The following ADAMTS9 variants were observed in gnomAD, a reference collection of about 807,000 sequenced individuals.
ADAMTS9 encodes ADAM metallopeptidase with thrombospondin type 1 motif 9.
A neutral mutation model predicts 257.1 loss-of-function variants in ADAMTS9; 107 were observed. The ratio of observed to expected loss-of-function variants is 0.42; its 90% CI spans 0.36 to 0.49. The LOEUF is 0.49. Ranked by LOEUF, ADAMTS9 falls within the 20% of genes least tolerant of loss-of-function variation. ADAMTS9 has a pLI of 0.03. For synonymous variants in ADAMTS9, 982 were observed against 880.9 expected, an observed-to-expected ratio of 1.11 and a Z score of -2.03; for missense variants, 2,353 against 2,469.1, an observed-to-expected ratio of 0.95 and a Z score of 1.00.
At chr3:64,557,004 T>C (rs925949463) in intron 30 of ADAMTS9, among the ~76,000 whole-genome samples, 3 of 152,132 alleles carry the variant, frequency 2.0e-5, no homozygotes, top group Non-Finnish European at 4.4e-5. Flanking sequence ...AAACAGGCAA[T>C]GAGAATTCCA....
intron 28 of ADAMTS9, among the ~76,000 whole-genome samples, chr3:64,581,911 G>C (rs930032546): frequency 3.3e-5 from 5 of 152,098 alleles, no homozygotes; most frequent in African/African-American, 1.2e-4. Context: ...ACAGTCTCTT[G>C]GGTTTATTTT....
chr3:64,529,596 G>C (rs1048101510), intron 38 of ADAMTS9, among the ~76,000 whole-genome samples: 1 of 152,174 alleles, frequency 6.6e-6, no homozygotes, highest in African/African-American at 2.4e-5. Flanking sequence ...AGTAGGTATC[G>C]AGTGGGAACA....
intron 26 of ADAMTS9, among the ~76,000 whole-genome samples, chr3:64,598,024 A>G (rs369053349): frequency 1.4e-3 from 208 of 152,324 alleles, no homozygotes; most frequent in African/African-American, 4.7e-3. Flanking sequence ...GCTCTATCAA[A>G]CATTGCTTCT....
At chr3:64,680,677 C>T (rs769286173) in intron 3 of ADAMTS9, among the ~76,000 whole-genome samples, 2 of 152,190 alleles carry the variant, frequency 1.3e-5, no homozygotes, top group Non-Finnish European at 2.9e-5. Context: ...TACCTTGCTA[C>T]AGTTCCTTAA....
chr3:64,553,145 T>G (rs2083291206), intron 30 of ADAMTS9, among the ~76,000 whole-genome samples: 1 of 152,104 alleles, frequency 6.6e-6, no homozygotes, highest in Non-Finnish European at 1.5e-5. Flanking sequence ...CATCACCCCA[T>G]CTAGTTCCAG....
At position 64,686,942 on chromosome 3, in the gene ADAMTS9, A is replaced by G. The variant is rs755536737; in HGVS notation, c.142T>C (p.Tyr48His). Reference protein sequence around the residue: ...QVKLLETLSEYEIVSPIRVNA... With the variant: ...QVKLLETLSEHEIVSPIRVNA... ...ACTCGGATGGGAGACACGATTTCGTATTCGCTCAGGGTCTCTAATAATTTC... is the reference window on the plus strand; with the variant it reads ...ACTCGGATGGGAGACACGATTTCGTGTTCGCTCAGGGTCTCTAATAATTTC... Residue 48 changes from tyrosine (Y) to histidine (H), a missense_variant, in exon 2 of 40, where the codon TAC (tyrosine) becomes CAC (histidine). Coordinates refer to ENST00000498707, the MANE Select transcript of ADAMTS9 (RefSeq NM_182920.2). This position sits in a 1 kb window ranked among gnomAD's most constrained non-coding sequence, Gnocchi z 4.6. 1.2e-6 allele frequency: 2 copies of G among 1,614,084 alleles called. No homozygotes were observed. The highest frequency in any genetic ancestry group is 1.3e-5 in the African/African-American group (1 of 74,944).
intron 30 of ADAMTS9, among the ~76,000 whole-genome samples, chr3:64,553,223 G>A (rs2083292029): frequency 6.6e-6 from 1 of 152,050 alleles, no homozygotes; most frequent in South Asian, 2.1e-4. Flanking sequence ...CTTCCTTCCT[G>A]TAGCCCCTAG....
chr3:64,588,393 A>G (rs2106773633), intron 28 of ADAMTS9: 1 of 152,106 alleles, frequency 6.6e-6, no homozygotes, highest in African/African-American at 2.4e-5. Flanking sequence ...TACAATAGGC[A>G]CTTAGAAAGT....
chr3:64,604,047 T>C lies in ADAMTS9; in HGVS notation c.3622A>G (p.Ser1208Gly). ...ACAGAGCCATTCTCATCTCGGCAGC[T>C]GACGTATCTCATCCGGGTACCTTTC... ...CGKGTRMRYV[S>G]CRDENGSVAD... Residue 1208 changes from serine to glycine, a missense_variant, in exon 25 of 40, where the codon AGC (serine) becomes GGC (glycine). Physicochemically the swap from Ser to Gly is moderately conservative, Grantham distance 56. Transcript: ENST00000498707. 1.2e-6 allele frequency: 2 copies of C among 1,614,130 alleles called. No individual in the cohort carries two copies. Among genetic ancestry groups the C allele is most frequent in the Non-Finnish European group, 1.7e-6 (2 of 1,180,004 alleles).
chr3:64,610,347 C>CAT lies in ADAMTS9; in HGVS notation c.3354+2996_3354+2997dup, dbSNP rs2084641115. 1.3e-5 allele frequency among the ~76,000 whole-genome samples: 2 copies of CAT among 152,066 alleles called. 1 individual carries two copies. The highest frequency in any genetic ancestry group is 4.1e-4 in the South Asian group (2 of 4,826). On this transcript the variant is annotated intron_variant, in intron 22 of 39. Transcript: ENST00000498707. ...GGGGATGGGGGAAATATTTGCCAAT[C>CAT]ATATCTCTGATAAGGAATTGACATC...
Position 64,624,498 on chromosome 3 carries a change from A to G in ADAMTS9, c.2390-1912T>C, listed in dbSNP as rs139642476. Among the ~76,000 whole-genome samples the G allele has an allele frequency of 4.4e-3, 675 of 152,258 alleles. 4 individuals carry two copies. The highest frequency in any genetic ancestry group is 0.016 in the African/African-American group (646 of 41,582). On this transcript the variant is annotated intron_variant, in intron 16 of 39. Coordinates refer to ENST00000498707, the MANE Select transcript of ADAMTS9 (RefSeq NM_182920.2). Reference sequence around the variant, plus strand: ...GCTGAAAAAAGAAACAGGAAAGAAAATTGACAAGGAGGATGAGACAACAGC... The same window carrying G: ...GCTGAAAAAAGAAACAGGAAAGAAAGTTGACAAGGAGGATGAGACAACAGC...
intron 6 of ADAMTS9, among the ~76,000 whole-genome samples, chr3:64,654,909 G>A (rs545576665): frequency 5.3e-5 from 8 of 152,118 alleles, no homozygotes; most frequent in African/African-American, 9.7e-5. Context: ...TTCCAGTTTC[G>A]TAAAGACTCT....
At chr3:64,569,575 A>G (rs1274231770) in intron 28 of ADAMTS9, among the ~76,000 whole-genome samples, 1 of 152,240 alleles carries the variant, frequency 6.6e-6, no homozygotes, top group African/African-American at 2.4e-5. Context: ...CCTAATAAAT[A>G]GCACCATGTG....
intron 28 of ADAMTS9, chr3:64,569,120 T>C (rs901994467): frequency 5.2e-5 from 8 of 152,946 alleles, no homozygotes; most frequent in African/African-American, 1.9e-4. Context: ...TCAACTTTGA[T>C]CTGCAGATTC....
At chr3:64,599,102 G>T (rs1206106833) in intron 26 of ADAMTS9, among the ~76,000 whole-genome samples, 1 of 152,130 alleles carries the variant, frequency 6.6e-6, no homozygotes. Flanking sequence ...AAGTGCTGGT[G>T]ATAGCTCTCA....
At chr3:64,680,258 G>A (rs1701720682) in intron 3 of ADAMTS9, among the ~76,000 whole-genome samples, 1 of 152,114 alleles carries the variant, frequency 6.6e-6, no homozygotes. Flanking sequence ...GGCCTTGTTT[G>A]GAGATACCAG....
chr3:64,657,082 C>G (rs1409363800), intron 4 of ADAMTS9, among the ~76,000 whole-genome samples: 2 of 152,190 alleles, frequency 1.3e-5, no homozygotes, highest in Non-Finnish European at 2.9e-5. Context: ...AAAATGCCTC[C>G]TGTTTGAAAA....
chr3:64,530,896 TG>T (rs1350524975), intron 38 of ADAMTS9, among the ~76,000 whole-genome samples: 1 of 152,170 alleles, frequency 6.6e-6, no homozygotes, highest in Non-Finnish European at 1.5e-5. Flanking sequence ...AACATCATGT[TG>T]TACACGATAA....
intron 27 of ADAMTS9, 109 bp from the exon 28 acceptor site, chr3:64,594,543 A>T (rs2084326069): frequency 2.2e-6 from 3 of 1,387,060 alleles, no homozygotes; most frequent in South Asian, 2.7e-5. Flanking sequence ...TGGGCAAGGT[A>T]AGCCTCTGAC....
Sources: gnomAD v4.1 joint callset for allele counts (sites outside exome capture counted in the v4.1 genomes callset) on GRCh38, gnomAD v4.1.1 for gene constraint, Gnocchi (gnomAD v3.1) non-coding constraint, MANE v1.5 for transcripts, NCBI Gene and HGNC (gene_info 2026-07-23, HGNC 2026-07-21) for gene names.